Variants in PSMC1 observed in about 807,000 individuals in gnomAD.
PSMC1 encodes the protein 26S proteasome regulatory subunit 4.
Under a neutral mutation model 49.8 loss-of-function variants are expected in PSMC1, and 5 were observed. The observed-to-expected ratio is 0.10, with a 90% CI of 0.05 to 0.21. PSMC1 has a LOEUF of 0.21. Among genes scored for constraint, PSMC1 ranks in the 10% least tolerant of loss-of-function variants. The pLI is 1.00. For missense variants in PSMC1, 181 were observed against 535.7 expected (o/e 0.34, Z 6.54); for synonymous variants, 155 against 192.1 (o/e 0.81, Z 1.60).
At chr14:90,260,252 G>A in intron 3 of PSMC1, 41 bp downstream of exon 3, 3 of 1,426,498 alleles carry the variant, frequency 2.1e-6, no homozygotes, top group Non-Finnish European at 2.9e-6. Context: ...CCAGTTCTTA[G>A]GATAAACCAT....
At position 90,270,515 on chromosome 14, in the gene PSMC1, A is replaced by G. The variant is rs558034966; in HGVS notation, c.1188+163A>G. On this transcript the variant is annotated intron_variant, in intron 10 of 10. Coordinates refer to ENST00000261303, the MANE Select transcript of PSMC1 (RefSeq NM_002802.3). ...CATCCAAATGGTATATGTGCTTGAT[A>G]TTGAAGTCATTCTTAATGCATCATT... 25 of 750,832 alleles carry G rather than the reference A, an allele frequency of 3.3e-5. No homozygotes were observed. The East Asian group carries it at 6.3e-4, about 19-fold the overall frequency. The allele number at this position is 750,832 out of a possible 1,614,324, so 46.5% of individuals were successfully genotyped here.
intron 1 of PSMC1, among the ~76,000 whole-genome samples, chr14:90,258,899 T>C (rs1891345594): frequency 6.6e-6 from 1 of 152,210 alleles, no homozygotes; most frequent in Non-Finnish European, 1.5e-5. Context: ...TACTTCTCAA[T>C]AGAGTTGTTC....
At position 90,272,190 on chromosome 14, in the gene PSMC1, G is replaced by A; in HGVS notation, c.1189-83G>A. ...ATTACAGGTGTGAGCCACCGCGCCT[G>A]GCCTCAGAATAGGTTTTTTGGAATT... On this transcript the variant is annotated intron_variant, in intron 10 of 10. Coordinates refer to ENST00000261303, the MANE Select transcript of PSMC1 (RefSeq NM_002802.3). The surrounding 1 kb of genome is among the most constrained non-coding windows in gnomAD (Gnocchi z 4.5). 6.6e-7 allele frequency: 1 copy of A among 1,518,106 alleles called. No individual in the cohort carries two copies. The highest frequency in any genetic ancestry group is 8.9e-7 in the Non-Finnish European group (1 of 1,119,990). 94.0% of individuals were successfully genotyped at this position (1,518,106 alleles called of 1,614,324 possible). A position where few individuals can be genotyped will look rare whatever the true frequency, so the allele number is the denominator to read the frequency against.
At chr14:90,266,934 C>T (rs929534941) in intron 7 of PSMC1, among the ~76,000 whole-genome samples, 10 of 152,074 alleles carry the variant, frequency 6.6e-5, no homozygotes, top group South Asian at 2.1e-4. Flanking sequence ...GAAAGTCTTC[C>T]CTGTCACACA....
chr14:90,269,218 T>A (rs1891597374), intron 8 of PSMC1, 179 bp from the exon 9 acceptor site: 1 of 602,518 alleles, frequency 1.7e-6, no homozygotes, highest in Non-Finnish European at 2.9e-6. Context: ...GGGAAATACA[T>A]TCAGACCATG....
At chr14:90,271,568 T>C (rs1208728407) in intron 10 of PSMC1, 1 of 152,226 alleles carries the variant, frequency 6.6e-6, no homozygotes, top group African/African-American at 2.4e-5. Context: ...ACATGTTCTT[T>C]TATGACTATA....
rs1401375991 is a variant in PSMC1, at chr14:90,274,832, A to ACT, written c.*2426_*2427insTC. 1 of 64,610 alleles carries ACT rather than the reference A, an allele frequency of 1.5e-5. No individual in the cohort carries two copies. The highest frequency in any genetic ancestry group is 3.3e-5 in the Non-Finnish European group (1 of 30,176). The allele number at this position is 64,610 out of a possible 1,614,324, so 4.0% of individuals were successfully genotyped here. On this transcript the variant is annotated 3_prime_UTR_variant, in exon 11 of 11. Transcript: ENST00000261303. ...CACACACACACACACACACACACAC[A>ACT]CACACACCCCAATACATATGAATTG... is the stretch of plus-strand genomic sequence containing the variant.
chr14:90,269,144 C>A (rs938283712), intron 8 of PSMC1: 1 of 449,982 alleles, frequency 2.2e-6, no homozygotes, highest in Non-Finnish European at 4.0e-6. Context: ...ATGCCTTTAG[C>A]CCTTTCCAAA....
chr14:90,264,548 C>G (rs535150993), intron 6 of PSMC1, among the ~76,000 whole-genome samples: 2 of 152,322 alleles, frequency 1.3e-5, no homozygotes, highest in South Asian at 4.1e-4. Context: ...AGCATAATCC[C>G]AGTGCCTTCA....
chr14:90,263,826 C>T lies in PSMC1; in HGVS notation c.444C>T (p.Cys148=), dbSNP rs1891452043. 5 of 1,614,028 alleles carry T rather than the reference C, an allele frequency of 3.1e-6. No individual in the cohort carries two copies. Among genetic ancestry groups the T allele is most frequent in the South Asian group, 1.1e-5 (1 of 91,088 alleles). Residue 148 remains cysteine (C), a synonymous_variant, in exon 5 of 11, where the codon TGC becomes TGT. Coordinates refer to ENST00000261303, the MANE Select transcript of PSMC1 (RefSeq NM_002802.3). ...FVDKDLLEPG[C]SVLLNHKVHA... is the part of the protein sequence containing the mutation. ...ACAAGGATCTGCTGGAACCTGGCTGCTCGGTCCTGCTCAACCACAAGGTGA... is the reference window on the plus strand; with the variant it reads ...ACAAGGATCTGCTGGAACCTGGCTGTTCGGTCCTGCTCAACCACAAGGTGA...
At chr14:90,267,416 A>G (rs1397278596) in intron 7 of PSMC1, 3 of 152,142 alleles carry the variant, frequency 2.0e-5, no homozygotes, top group African/African-American at 7.3e-5. Context: ...CAGCCTCCCA[A>G]AGTGCTGGGA....
rs1244918013 is a variant in PSMC1, at chr14:90,256,576, C to A, written c.-22C>A. 1.9e-6 allele frequency: 3 copies of A among 1,585,364 alleles called. No individual in the cohort carries two copies. Among genetic ancestry groups the A allele is most frequent in the Non-Finnish European group, 1.7e-6 (2 of 1,165,718 alleles). ...GTGGTGGAGGAACTTCCGGCAGCGGCAGCTCAAGTGGCCAAGGCAAGATGG... is the reference window on the plus strand; with the variant it reads ...GTGGTGGAGGAACTTCCGGCAGCGGAAGCTCAAGTGGCCAAGGCAAGATGG... On this transcript the variant is annotated 5_prime_UTR_variant, in exon 1 of 11. Coordinates refer to ENST00000261303, the MANE Select transcript of PSMC1 (RefSeq NM_002802.3).
chr14:90,266,747 C>CT (rs1249192603), intron 7 of PSMC1, among the ~76,000 whole-genome samples: 1 of 152,244 alleles, frequency 6.6e-6, no homozygotes, highest in Non-Finnish European at 1.5e-5. Flanking sequence ...GACTTGGCTG[C>CT]TTCTGCACGA....
chr14:90,271,199 CCATTTGAAGTAA>C (rs1443072840), intron 10 of PSMC1: 12 of 152,188 alleles, frequency 7.9e-5, no homozygotes, highest in African/African-American at 2.9e-4. Flanking sequence ...TTCACCCGAA[CCATTTGAAGTAA>C]ATAACCTGAT....
In PSMC1 at chr14:90,270,337, T is replaced by G. The variant is rs566274159; in HGVS notation, c.1173T>G (p.Ser391=). 1 of 1,613,260 alleles carries G rather than the reference T, an allele frequency of 6.2e-7. No individual in the cohort carries two copies. The highest frequency in any genetic ancestry group is 8.5e-7 in the Non-Finnish European group (1 of 1,179,788). Residue 391 remains serine, a synonymous_variant, in exon 10 of 11, where the codon TCT becomes TCG. Coordinates refer to ENST00000261303, the MANE Select transcript of PSMC1 (RefSeq NM_002802.3). Reference sequence around the variant, plus strand: ...TGATCATGGCTAAAGATGACCTCTCTGGTGCTGACATCAAGGTGAGAGCCT... The same window carrying G: ...TGATCATGGCTAAAGATGACCTCTCGGGTGCTGACATCAAGGTGAGAGCCT... ...DDLIMAKDDL[S]GADIKAICTE...
At chr14:90,264,382 A>G (rs1199369338) in intron 6 of PSMC1, among the ~76,000 whole-genome samples, 2 of 152,242 alleles carry the variant, frequency 1.3e-5, no homozygotes, top group Non-Finnish European at 2.9e-5. Flanking sequence ...CAGCAGCTGC[A>G]GCTTCCTTCT....
intron 3 of PSMC1, among the ~76,000 whole-genome samples, chr14:90,262,004 A>G (rs960799343): frequency 2.6e-5 from 4 of 152,000 alleles, no homozygotes; most frequent in African/African-American, 9.7e-5. Flanking sequence ...TTGTAGGGAC[A>G]TGGATGAAGC....
intron 6 of PSMC1, 112 bp from the exon 7 acceptor site, chr14:90,264,958 A>G: frequency 1.3e-6 from 1 of 782,960 alleles, no homozygotes; most frequent in African/African-American, 1.7e-5. Context: ...CTCTAAGAAG[A>G]GTAATTGAGA....
chr14:90,270,332 C>A lies in PSMC1; in HGVS notation c.1168C>A (p.Leu390Ile). 1 of 1,613,162 alleles carries A rather than the reference C, an allele frequency of 6.2e-7. No homozygotes were observed. The highest frequency in any genetic ancestry group is 8.5e-7 in the Non-Finnish European group (1 of 1,179,782). The change falls in exon 10 of 11, where the codon CTC becomes ATC. Residue 390 changes from leucine to isoleucine, a missense_variant. Leu to Ile is a conservative substitution (Grantham distance 5, BLOSUM62 2). Around this residue, in one of 3 missense-constraint regions of PSMC1, gnomAD observed 60 missense variants for 155.5 expected, o/e 0.39. Transcript: ENST00000261303. ...LDDLIMAKDD[L>I]SGADIKAICT... ...CGACCTGATCATGGCTAAAGATGACCTCTCTGGTGCTGACATCAAGGTGAG... is the reference window on the plus strand; with the variant it reads ...CGACCTGATCATGGCTAAAGATGACATCTCTGGTGCTGACATCAAGGTGAG...
Sources: gnomAD v4.1 joint callset for allele counts (sites outside exome capture counted in the v4.1 genomes callset) on GRCh38, gnomAD v4.1.1 for gene constraint, gnomAD v4.1.1 regional missense constraint, Gnocchi (gnomAD v3.1) non-coding constraint, MANE v1.5 for transcripts, NCBI Gene and HGNC (gene_info 2026-07-23, HGNC 2026-07-21) for gene names.